Variants in MRPL37 observed in about 807,000 individuals in gnomAD.
The protein encoded by MRPL37 is large ribosomal subunit protein mL37.
In MRPL37, 34 loss-of-function variants were observed where a neutral mutation model predicts 44.1. The ratio of observed to expected loss-of-function variants is 0.77; its 90% CI spans 0.59 to 1.03. The LOEUF (loss-of-function observed/expected upper bound fraction) is 1.03, where lower values mean the gene tolerates loss of function less well. Ranked by LOEUF, MRPL37 falls within the 50% of genes least tolerant of loss-of-function variation. MRPL37 has a pLI of 0.00. For missense variants in MRPL37, 532 were observed against 543.7 expected, an observed-to-expected ratio of 0.98 and a Z score of 0.21; for synonymous variants, 212 against 219.5, an observed-to-expected ratio of 0.97 and a Z score of 0.30.
In MRPL37 at chr1:54,200,484, G is replaced by C; in HGVS notation, c.241G>C (p.Gly81Arg). 6.2e-7 allele frequency: 1 copy of C among 1,614,216 alleles called. No individual in the cohort carries two copies. The highest frequency in any genetic ancestry group is 8.5e-7 in the Non-Finnish European group (1 of 1,180,038). The stretch of plus-strand genomic sequence containing the variant: ...GCCGATCTTTCCGCCCTGGGACCGC[G>C]GCTACAAGGACCCAAGGTTCTACCG... ...ARPIFPPWDR[G>R]YKDPRFYRSP... Residue 81 changes from glycine (G) to arginine (R), a missense_variant, in exon 1 of 7, where the codon GGC becomes CGC. Physicochemically the swap from Gly to Arg is moderately radical, Grantham distance 125. Transcript: ENST00000360840.
downstream of MRPL37, chr1:54,220,740 C>T (rs77097524): frequency 8.5e-6 from 4 of 471,270 alleles, no homozygotes; most frequent in African/African-American, 8.0e-5. Flanking sequence ...TACAGGCTCC[C>T]CAGCCAGTGA....
chr1:54,206,839 AT>A (rs780379855), intron 3 of MRPL37, among the ~76,000 whole-genome samples: 3 of 148,704 alleles, frequency 2.0e-5, no homozygotes, highest in Non-Finnish European at 3.0e-5. Flanking sequence ...GGTTCAAGTG[AT>A]TCTCCTGTCT....
intron 1 of MRPL37, among the ~76,000 whole-genome samples, chr1:54,202,411 G>T (rs1247479141): frequency 6.6e-6 from 1 of 152,192 alleles, no homozygotes; most frequent in Non-Finnish European, 1.5e-5. Context: ...TACCACAAGA[G>T]AAATTGCCTG....
intron 6 of MRPL37, among the ~76,000 whole-genome samples, chr1:54,217,779 C>T (rs111848310): frequency 6.6e-6 from 1 of 152,176 alleles, no homozygotes; most frequent in South Asian, 2.1e-4. Flanking sequence ...GAACCAGAGT[C>T]AAGTTACTGC....
chr1:54,218,109 C>G, intron 6 of MRPL37, 63 bp from the exon 7 acceptor site: 1 of 1,423,902 alleles, frequency 7.0e-7, no homozygotes, highest in Non-Finnish European at 9.9e-7. Flanking sequence ...TCAATCCAAT[C>G]TTTGTTTTAA....
chr1:54,221,726 G>A (rs1013919785), downstream of MRPL37, among the ~76,000 whole-genome samples: 3 of 152,118 alleles, frequency 2.0e-5, no homozygotes, highest in African/African-American at 4.8e-5. Flanking sequence ...GTGTACACGA[G>A]ACCCATGGAT....
chr1:54,201,146 C>T (rs1014796573), intron 1 of MRPL37, among the ~76,000 whole-genome samples: 6 of 152,142 alleles, frequency 3.9e-5, no homozygotes, highest in Non-Finnish European at 7.3e-5. Context: ...TTCCAGAGTC[C>T]ATGGAGAAGC....
In MRPL37 at chr1:54,205,474, A is replaced by G. The variant is rs183613575; in HGVS notation, c.646+64A>G. On this transcript the variant is annotated intron_variant, in intron 3 of 6. Transcript: ENST00000360840. ...TTTTTGCCTTTCTACTCTTAACCCC[A>G]CCACCAGCTCCCATCCCCCTGCCCC... 4 of 1,332,080 alleles carry G rather than the reference A, an allele frequency of 3.0e-6. No homozygotes were observed. In the East Asian group the frequency reaches 9.3e-5, roughly 31 times the overall value. The allele number at this position is 1,332,080 out of a possible 1,614,324, so 82.5% of individuals were successfully genotyped here.
At chr1:54,203,757 T>C (rs1323896252) in intron 1 of MRPL37, among the ~76,000 whole-genome samples, 1 of 152,114 alleles carries the variant, frequency 6.6e-6, no homozygotes, top group Non-Finnish European at 1.5e-5. Context: ...ATTACAGGCA[T>C]GAGCCACCAT....
At chr1:54,203,337 A>G (rs977086490) in intron 1 of MRPL37, among the ~76,000 whole-genome samples, 8 of 152,140 alleles carry the variant, frequency 5.3e-5, no homozygotes, top group Non-Finnish European at 1.2e-4. Context: ...CTTTTCTTGC[A>G]AAGTATTTTG....
At chr1:54,207,447 C>T (rs1162766463) in intron 3 of MRPL37, 2 of 152,202 alleles carry the variant, frequency 1.3e-5, no homozygotes, top group Non-Finnish European at 2.9e-5. Flanking sequence ...GATTTCAGGA[C>T]ATCTGCTTGG....
chr1:54,219,592 C>T (rs1365569674), downstream of MRPL37, among the ~76,000 whole-genome samples: 1 of 152,114 alleles, frequency 6.6e-6, no homozygotes. Flanking sequence ...TACTCTGAGC[C>T]CTGCTGCCCA....
chr1:54,221,520 C>T (rs981138062), downstream of MRPL37, among the ~76,000 whole-genome samples: 14 of 152,196 alleles, frequency 9.2e-5, no homozygotes, highest in African/African-American at 1.4e-4. Flanking sequence ...TCCAGGGGGG[C>T]GTGCTGCCCA....
downstream of MRPL37, chr1:54,220,843 A>ACTT (rs574862086): frequency 6.4e-6 from 3 of 466,354 alleles, no homozygotes; most frequent in Non-Finnish European, 1.3e-5. Flanking sequence ...CCAGCAGCAG[A>ACTT]CTTTTGGAAA....
At chr1:54,212,688 C>T in intron 5 of MRPL37, 30 bp downstream of exon 5, 1 of 1,613,496 alleles carries the variant, frequency 6.2e-7, no homozygotes, top group Non-Finnish European at 8.5e-7. Flanking sequence ...CACTGAGTTG[C>T]TTTACGTGGT....
intron 4 of MRPL37, among the ~76,000 whole-genome samples, chr1:54,210,432 T>C (rs1644155839): frequency 6.6e-6 from 1 of 152,004 alleles, no homozygotes; most frequent in Non-Finnish European, 1.5e-5. Context: ...TTCAGCAAAC[T>C]GTATCATTGG....
chr1:54,222,174 C>T (rs1644238992), downstream of MRPL37, among the ~76,000 whole-genome samples: 1 of 152,204 alleles, frequency 6.6e-6, no homozygotes, highest in African/African-American at 2.4e-5. Context: ...GAAGAGGGCT[C>T]TTACATGGTC....
downstream of MRPL37, among the ~76,000 whole-genome samples, chr1:54,221,476 C>T (rs917160117): frequency 2.0e-5 from 3 of 152,208 alleles, no homozygotes; most frequent in Non-Finnish European, 4.4e-5. Context: ...ACCCTCTCCC[C>T]TCAGAATACA....
chr1:54,209,450 A>ATTTT (rs35454838), intron 3 of MRPL37, among the ~76,000 whole-genome samples: 17 of 137,710 alleles, frequency 1.2e-4, no homozygotes, highest in Non-Finnish European at 2.7e-4. Context: ...AAAGTCTTTA[A>ATTTT]TTTTTTTTTT....
Sources: gnomAD v4.1 joint callset for allele counts (sites outside exome capture counted in the v4.1 genomes callset) on GRCh38, gnomAD v4.1.1 for gene constraint, MANE v1.5 for transcripts, NCBI Gene and HGNC (gene_info 2026-07-23, HGNC 2026-07-21) for gene names.